Variants in ELMO1 observed in about 807,000 individuals in gnomAD.
ELMO1 encodes engulfment and cell motility 1.
A neutral mutation model predicts 98.9 loss-of-function variants in ELMO1; 26 were observed. That is an observed-to-expected ratio of 0.26 (90% CI 0.19 to 0.36). The LOEUF (loss-of-function observed/expected upper bound fraction) is 0.36. Among genes scored for constraint, ELMO1 ranks in the 10% least tolerant of loss-of-function variants. The pLI is 1.00. For missense variants in ELMO1, 627 were observed against 935.2 expected (o/e 0.67, Z 4.30); for synonymous variants, 346 against 346.0 (o/e 1.00, Z 0.00).
chr7:37,137,542 AT>A (rs199815409), intron 13 of ELMO1, among the ~76,000 whole-genome samples: 808 of 147,138 alleles, frequency 5.5e-3, no homozygotes, highest in Non-Finnish European at 7.9e-3. Flanking sequence ...AGTCTCAGTA[AT>A]TTTTTTTTTT....
At chr7:37,206,709 C>T (rs763705193) in intron 13 of ELMO1, among the ~76,000 whole-genome samples, 2 of 152,142 alleles carry the variant, frequency 1.3e-5, no homozygotes, top group Non-Finnish European at 2.9e-5. Flanking sequence ...TTACCCATAA[C>T]CTCTTCCACC....
intron 13 of ELMO1, among the ~76,000 whole-genome samples, chr7:37,134,428 G>A (rs2541099): frequency 0.14 from 21,068 of 151,686 alleles, 1,728 homozygotes; most frequent in Middle Eastern, 0.24. Flanking sequence ...GTGTGGTGGC[G>A]CGCGCCTGTA....
In ELMO1 at chr7:36,984,864, G is replaced by A. The variant is rs1791380298; in HGVS notation, c.1437+28435C>T. The A allele has an allele frequency of 1.0e-5, 10 of 971,786 alleles. No individual in the cohort carries two copies. The South Asian group carries it at 4.3e-4, about 42-fold the overall frequency. The allele number at this position is 971,786 out of a possible 1,614,324, so 60.2% of individuals were successfully genotyped here. A position where few individuals can be genotyped will look rare whatever the true frequency, so the allele number is the denominator to read the frequency against. ...GGGGAAAAGATCTTAGGCAGAGATAGAAGCCCCAACTTCAGCCCCCACTCT... is the reference window on the plus strand; with the variant it reads ...GGGGAAAAGATCTTAGGCAGAGATAAAAGCCCCAACTTCAGCCCCCACTCT... On this transcript the variant is annotated intron_variant, in intron 16 of 21. Transcript: ENST00000310758.
chr7:37,044,815 T>G (rs148523148), intron 15 of ELMO1, among the ~76,000 whole-genome samples: 1 of 152,236 alleles, frequency 6.6e-6, no homozygotes, highest in South Asian at 2.1e-4. Flanking sequence ...TTGGCTTCCA[T>G]CCTCAAGTCC....
At chr7:37,363,789 A>G (rs1801790848) in intron 1 of ELMO1, among the ~76,000 whole-genome samples, 1 of 152,170 alleles carries the variant, frequency 6.6e-6, no homozygotes, top group Admixed American at 6.5e-5. Flanking sequence ...AAATCACGTG[A>G]CCATAAGATC....
intron 16 of ELMO1, among the ~76,000 whole-genome samples, chr7:37,002,964 A>G (rs1792786494): frequency 6.6e-6 from 1 of 152,174 alleles, no homozygotes; most frequent in Non-Finnish European, 1.5e-5. Flanking sequence ...TGTTGCCAAA[A>G]GTGATAGCTG....
chr7:36,891,356 T>C (rs986020059), intron 17 of ELMO1, among the ~76,000 whole-genome samples: 2 of 152,246 alleles, frequency 1.3e-5, no homozygotes, highest in Admixed American at 6.5e-5. Context: ...GACCAGACTG[T>C]CCCCCTTGCA....
intron 1 of ELMO1, among the ~76,000 whole-genome samples, chr7:37,405,357 T>G (rs1478905309): frequency 6.6e-6 from 1 of 152,102 alleles, no homozygotes; most frequent in Non-Finnish European, 1.5e-5. Flanking sequence ...TTGTCTCACC[T>G]CTGCCCCCAT....
intron 20 of ELMO1, 140 bp from the exon 21 acceptor site, chr7:36,861,876 G>A (rs1802659920): frequency 1.3e-6 from 1 of 748,546 alleles, no homozygotes; most frequent in Non-Finnish European, 2.3e-6. Context: ...ATGGAAGGAG[G>A]AACCATGCTC....
At chr7:36,991,181 A>C (rs1244733628) in intron 16 of ELMO1, among the ~76,000 whole-genome samples, 1 of 152,186 alleles carries the variant, frequency 6.6e-6, no homozygotes, top group African/African-American at 2.4e-5. Flanking sequence ...TGAAAATTCC[A>C]AACAGTTAGG....
chr7:37,029,007 G>A (rs1018452889), intron 15 of ELMO1, among the ~76,000 whole-genome samples: 1 of 152,064 alleles, frequency 6.6e-6, no homozygotes, highest in Non-Finnish European at 1.5e-5. Context: ...AGACAGGTTT[G>A]GGTCTTATTT....
intron 15 of ELMO1, among the ~76,000 whole-genome samples, chr7:37,050,926 C>T (rs1269441604): frequency 6.6e-6 from 1 of 151,852 alleles, no homozygotes; most frequent in Non-Finnish European, 1.5e-5. Context: ...TCCAAGGAGA[C>T]AATTTAACCA....
intron 15 of ELMO1, among the ~76,000 whole-genome samples, chr7:37,058,983 C>T (rs982157812): frequency 3.9e-5 from 6 of 152,096 alleles, no homozygotes; most frequent in Non-Finnish European, 7.3e-5. Context: ...GGCACAGTAT[C>T]GCCACACACG....
At chr7:36,874,149 G>A (rs1278090866) in intron 19 of ELMO1, among the ~76,000 whole-genome samples, 2 of 152,216 alleles carry the variant, frequency 1.3e-5, no homozygotes, top group African/African-American at 2.4e-5. Flanking sequence ...TAAGTTTTGA[G>A]AGCCTCAACT....
chr7:37,303,870 A>G (rs1798473496), intron 4 of ELMO1, among the ~76,000 whole-genome samples: 1 of 152,200 alleles, frequency 6.6e-6, no homozygotes, highest in Non-Finnish European at 1.5e-5. Context: ...AGCCTAAGCT[A>G]CAAAGTTAGC....
chr7:37,178,733 C>CTTT, intron 13 of ELMO1, among the ~76,000 whole-genome samples: 1 of 152,294 alleles, frequency 6.6e-6, no homozygotes, highest in East Asian at 1.9e-4. Context: ...TGGCAAGGCA[C>CTTT]CTTGCCTCTG....
At chr7:37,265,251 T>C (rs1253340259) in intron 5 of ELMO1, among the ~76,000 whole-genome samples, 1 of 152,156 alleles carries the variant, frequency 6.6e-6, no homozygotes, top group Admixed American at 6.5e-5. Flanking sequence ...AAGTCAGCTC[T>C]TCCCCTCAGC....
chr7:37,172,613 C>G (rs931148165), intron 13 of ELMO1, among the ~76,000 whole-genome samples: 2 of 152,186 alleles, frequency 1.3e-5, no homozygotes, highest in Non-Finnish European at 2.9e-5. Flanking sequence ...TCAGAAGGTA[C>G]TAATAACCTT....
chr7:37,440,594 C>G (rs1339210188), intron 1 of ELMO1, among the ~76,000 whole-genome samples: 1 of 151,770 alleles, frequency 6.6e-6, no homozygotes, highest in Non-Finnish European at 1.5e-5. Flanking sequence ...CATGGTGAAA[C>G]CCCATCTCTA....
Sources: gnomAD v4.1 joint callset for allele counts (sites outside exome capture counted in the v4.1 genomes callset) on GRCh38, gnomAD v4.1.1 for gene constraint, MANE v1.5 for transcripts, NCBI Gene and HGNC (gene_info 2026-07-23, HGNC 2026-07-21) for gene names.